PGM1: variants seen among roughly 807,000 people sequenced by gnomAD.
The protein encoded by PGM1 is phosphoglucomutase-1.
A neutral mutation model predicts 55.6 loss-of-function variants in PGM1; 52 were observed. The ratio of observed to expected loss-of-function variants is 0.94; its 90% CI spans 0.75 to 1.18. The LOEUF (loss-of-function observed/expected upper bound fraction) is 1.18. PGM1 is among the 50% of genes most tolerant of loss of function. The pLI is 0.00. For synonymous variants in PGM1, 287 were observed against 271.7 expected, an observed-to-expected ratio of 1.06 and a Z score of -0.55; for missense variants, 724 against 729.3, an observed-to-expected ratio of 0.99 and a Z score of 0.08.
chr1:63,609,714 G>A (rs1160262344), intron 1 of PGM1, among the ~76,000 whole-genome samples: 3 of 152,116 alleles, frequency 2.0e-5, no homozygotes, highest in East Asian at 1.9e-4. Context: ...ACGCGGTCCC[G>A]AGGGTAAACG....
At chr1:63,650,416 A>G (rs1649776221) in intron 8 of PGM1, among the ~76,000 whole-genome samples, 1 of 152,164 alleles carries the variant, frequency 6.6e-6, no homozygotes, top group African/African-American at 2.4e-5. Context: ...CAGAGGTCAA[A>G]AATGTAAAGC....
At chr1:63,624,914 TC>T (rs1387793541) in intron 1 of PGM1, among the ~76,000 whole-genome samples, 4 of 152,242 alleles carry the variant, frequency 2.6e-5, no homozygotes, top group African/African-American at 9.6e-5. Flanking sequence ...TGAATGCCTC[TC>T]ATGTAAAAGT....
intron 1 of PGM1, among the ~76,000 whole-genome samples, chr1:63,613,470 C>A (rs1030133038): frequency 3.3e-5 from 5 of 151,844 alleles, no homozygotes; most frequent in Non-Finnish European, 7.4e-5. Context: ...CTGGTGGTGG[C>A]TAGCAATCCC....
intron 1 of PGM1, among the ~76,000 whole-genome samples, chr1:63,599,329 CT>C: frequency 6.6e-6 from 1 of 152,172 alleles, no homozygotes; most frequent in East Asian, 1.9e-4. Context: ...CCATACCCAG[CT>C]AATTTTTGTA....
chr1:63,614,686 T>C (rs1002736237), intron 1 of PGM1, among the ~76,000 whole-genome samples: 2 of 152,162 alleles, frequency 1.3e-5, no homozygotes, highest in Non-Finnish European at 1.5e-5. Flanking sequence ...ATGAATGATA[T>C]ACAGACAGTT....
chr1:63,652,243 G>A (rs763970467), intron 9 of PGM1, among the ~76,000 whole-genome samples: 1 of 151,936 alleles, frequency 6.6e-6, no homozygotes, highest in Non-Finnish European at 1.5e-5. Flanking sequence ...GCAGATTATA[G>A]CAGAGTGACA....
intron 1 of PGM1, among the ~76,000 whole-genome samples, chr1:63,603,042 T>C (rs1648287687): frequency 6.6e-6 from 1 of 152,104 alleles, no homozygotes; most frequent in Non-Finnish European, 1.5e-5. Flanking sequence ...GGCAGAACCA[T>C]AGGTGAGAGA....
intron 1 of PGM1, among the ~76,000 whole-genome samples, chr1:63,617,378 A>G (rs1384405068): frequency 1.3e-5 from 2 of 152,168 alleles, no homozygotes; most frequent in Admixed American, 1.3e-4. Context: ...GGCCTGACAC[A>G]CAAGGACTGC....
At chr1:63,636,478 C>G in intron 6 of PGM1, 90 bp downstream of exon 6, 1 of 1,292,424 alleles carries the variant, frequency 7.7e-7, no homozygotes. Flanking sequence ...GTGTCCTTCC[C>G]TTTCAGCATG....
At chr1:63,597,507 C>T (rs1311242897) in intron 1 of PGM1, among the ~76,000 whole-genome samples, 1 of 152,166 alleles carries the variant, frequency 6.6e-6, no homozygotes, top group African/African-American at 2.4e-5. Context: ...ATATGAGCCA[C>T]CCAGATGGTC....
At chr1:63,620,584 A>G (rs1271939275) in intron 1 of PGM1, among the ~76,000 whole-genome samples, 2 of 152,220 alleles carry the variant, frequency 1.3e-5, no homozygotes, top group Admixed American at 6.5e-5. Context: ...CTGTCCATTA[A>G]ATATTTTTTA....
At chr1:63,613,489 T>A (rs1648623180) in intron 1 of PGM1, among the ~76,000 whole-genome samples, 1 of 151,956 alleles carries the variant, frequency 6.6e-6, no homozygotes, top group Non-Finnish European at 1.5e-5. Context: ...CCTGGTGCAG[T>A]GTAACTTCAA....
intron 8 of PGM1, 143 bp downstream of exon 8, chr1:63,648,795 A>G: frequency 2.2e-6 from 2 of 904,586 alleles, no homozygotes; most frequent in Non-Finnish European, 3.5e-6. Context: ...TTTAAAAATA[A>G]TCTGGTCAGG....
intron 3 of PGM1, 21 bp downstream of exon 3, chr1:63,630,109 T>C: frequency 6.2e-7 from 1 of 1,612,140 alleles, no homozygotes; most frequent in South Asian, 1.1e-5. Context: ...TTTCCTCCTC[T>C]TTCTGCCCAC....
At position 63,593,550 on chromosome 1, in the gene PGM1, G is replaced by A; in HGVS notation, c.62G>A (p.Gly21Glu). 1.2e-6 allele frequency: 2 copies of A among 1,613,930 alleles called. No homozygotes were observed. Among genetic ancestry groups the A allele is most frequent in the Non-Finnish European group, 1.7e-6 (2 of 1,179,940 alleles). ...CAGGACCAGAAGCCGGGCACGAGCG[G>A]GCTGCGGAAGCGGGTGAAGGTGTTC... The part of the protein sequence containing the change: ...AYQDQKPGTS[G>E]LRKRVKVFQS... Residue 21 changes from glycine to glutamate, a missense_variant, in exon 1 of 11, where the codon GGG becomes GAG. By Grantham distance (98) the Gly-to-Glu change is moderately conservative (BLOSUM62 -2). This residue lies in a region of PGM1 where 379 missense variants were observed against 357.5 expected (regional missense o/e 1.06). Coordinates refer to ENST00000371084, the MANE Select transcript of PGM1 (RefSeq NM_002633.3).
intron 1 of PGM1, among the ~76,000 whole-genome samples, chr1:63,614,567 T>C (rs1249916379): frequency 1.3e-5 from 2 of 152,192 alleles, no homozygotes; most frequent in African/African-American, 2.4e-5. Context: ...CAAGGCAAGG[T>C]AGCATGATAG....
intron 4 of PGM1, among the ~76,000 whole-genome samples, chr1:63,634,611 AC>A (rs1374064657): frequency 6.6e-6 from 1 of 152,008 alleles, no homozygotes; most frequent in African/African-American, 2.4e-5. Flanking sequence ...AACTGGCCCC[AC>A]CTTTTCCAAC....
chr1:63,633,618 A>G (rs1401935428), intron 4 of PGM1, among the ~76,000 whole-genome samples: 1 of 152,024 alleles, frequency 6.6e-6, no homozygotes, highest in African/African-American at 2.4e-5. Flanking sequence ...ATGTCACTGT[A>G]AACATATGTA....
chr1:63,640,985 A>G lies in PGM1; in HGVS notation c.1144+2185A>G, dbSNP rs577700935. Among the ~76,000 whole-genome samples the G allele has an allele frequency of 2.3e-4, 35 of 152,268 alleles. 1 individual carries two copies. Among genetic ancestry groups the G allele is most frequent in the Admixed American group, 2.0e-3 (31 of 15,298 alleles). On this transcript the variant is annotated intron_variant, in intron 7 of 10. Transcript: ENST00000371084. ...ATTTTTCTTGACATAACTTTCCTTT[A>G]TGTTAGTTTTTAGGAAGTTGCATAA...
Sources: gnomAD v4.1 joint callset for allele counts (sites outside exome capture counted in the v4.1 genomes callset) on GRCh38, gnomAD v4.1.1 for gene constraint, gnomAD v4.1.1 regional missense constraint, MANE v1.5 for transcripts, NCBI Gene and HGNC (gene_info 2026-07-23, HGNC 2026-07-21) for gene names.